ANKFY1: variants seen among roughly 807,000 people sequenced by gnomAD.
ANKFY1 encodes the protein ankyrin repeat and FYVE domain containing 1, also known as ankyrin repeat and FYVE domain-containing protein 1.
ANKFY1 carries 47 observed loss-of-function variants against 128.3 expected under a neutral mutation model. The observed-to-expected ratio is 0.37, with a 90% CI of 0.29 to 0.47. ANKFY1 has a LOEUF of 0.47. ANKFY1 is among the 20% of genes least tolerant of loss of function. ANKFY1 has a pLI of 1.00. For synonymous variants in ANKFY1, 553 were observed against 601.6 expected, an observed-to-expected ratio of 0.92 and a Z score of 1.18; for missense variants, 1,222 against 1,510.6, an observed-to-expected ratio of 0.81 and a Z score of 3.17.
intron 3 of ANKFY1, among the ~76,000 whole-genome samples, chr17:4,228,477 C>T (rs2060462459): frequency 6.6e-6 from 1 of 151,470 alleles, no homozygotes; most frequent in Non-Finnish European, 1.5e-5. Context: ...AGTGCAATGA[C>T]GCGATCTCGG....
intron 3 of ANKFY1, chr17:4,223,146 T>C: frequency 1.3e-6 from 1 of 782,390 alleles, no homozygotes. Context: ...GCTTCTGAAA[T>C]TCAGGTGACA....
chr17:4,207,183 T>C (rs2060041907), intron 6 of ANKFY1, among the ~76,000 whole-genome samples: 1 of 151,552 alleles, frequency 6.6e-6, no homozygotes, highest in African/African-American at 2.4e-5. Flanking sequence ...GCCCGATCTA[T>C]CTAACCACAG....
chr17:4,171,713 C>A (rs530666456), intron 22 of ANKFY1, among the ~76,000 whole-genome samples: 1 of 152,322 alleles, frequency 6.6e-6, no homozygotes, highest in Admixed American at 6.5e-5. Flanking sequence ...GGGGCGGACT[C>A]CTCTGAAGCT....
chr17:4,177,136 A>T lies in ANKFY1; in HGVS notation c.2765T>A (p.Val922Asp). The T allele has an allele frequency of 6.3e-7, 1 of 1,585,076 alleles. No individual in the cohort carries two copies. The highest frequency in any genetic ancestry group is 8.6e-7 in the Non-Finnish European group (1 of 1,166,226). ...TTCTGTGTCACTTACCAAATTGCGGACAATAATTTCTGAGCCTGCTTGGAC... is the reference window on the plus strand; with the variant it reads ...TTCTGTGTCACTTACCAAATTGCGGTCAATAATTTCTGAGCCTGCTTGGAC... ...LAVQAGSEII[V>D]RNLLLAGAKV... Residue 922 changes from valine (V) to aspartate (D), a missense_variant, in exon 19 of 25, where the codon GTC (valine) becomes GAC (aspartate). Coordinates refer to ENST00000341657, the MANE Select transcript of ANKFY1 (RefSeq NM_001330063.2).
At chr17:4,206,555 C>G in intron 6 of ANKFY1, 69 bp from the exon 7 acceptor site, 1 of 1,424,738 alleles carries the variant, frequency 7.0e-7, no homozygotes, top group South Asian at 1.2e-5. Flanking sequence ...TTTCTCCCAC[C>G]TTGACCCTTA....
rs145764044 is a variant in ANKFY1, at chr17:4,167,971, C to T, written c.3378-60G>A. 9.2e-5 allele frequency: 144 copies of T among 1,566,594 alleles called. No homozygotes were observed. The highest frequency in any genetic ancestry group is 1.2e-4 in the Non-Finnish European group (142 of 1,152,164). On this transcript the variant is annotated intron_variant, in intron 24 of 24. Coordinates refer to ENST00000341657, the MANE Select transcript of ANKFY1 (RefSeq NM_001330063.2). The surrounding 1 kb of genome is among the most constrained non-coding windows in gnomAD (Gnocchi z 4.1). Reference sequence around the variant, plus strand: ...GCCAACGACAGACTCTGCTTCCTGGCACGTGAGGACAACCGCAGCAGGGCC... The same window carrying T: ...GCCAACGACAGACTCTGCTTCCTGGTACGTGAGGACAACCGCAGCAGGGCC...
chr17:4,253,854 C>G (rs965456916), intron 1 of ANKFY1, among the ~76,000 whole-genome samples: 1 of 152,144 alleles, frequency 6.6e-6, no homozygotes, highest in East Asian at 1.9e-4. Context: ...CTTTACCTAC[C>G]ATGGCAGGCA....
intron 3 of ANKFY1, among the ~76,000 whole-genome samples, chr17:4,225,102 T>C (rs1280688170): frequency 6.6e-6 from 1 of 151,850 alleles, no homozygotes; most frequent in Non-Finnish European, 1.5e-5. Context: ...ACACCTGTAA[T>C]CCCAGAACTC....
chr17:4,197,750 A>G (rs1351812697), intron 7 of ANKFY1, among the ~76,000 whole-genome samples, 173 bp from the exon 8 acceptor site: 3 of 152,200 alleles, frequency 2.0e-5, no homozygotes, highest in African/African-American at 7.2e-5. Context: ...GGAGTTACAG[A>G]CGAATTCAAA....
At chr17:4,194,242 T>C (rs1034449326) in intron 10 of ANKFY1, among the ~76,000 whole-genome samples, 1 of 150,712 alleles carries the variant, frequency 6.6e-6, no homozygotes, top group African/African-American at 2.4e-5. Context: ...GTAGCTGGGA[T>C]GACAGGAGCC....
At chr17:4,239,780 C>T (rs891126258) in intron 2 of ANKFY1, among the ~76,000 whole-genome samples, 1 of 152,118 alleles carries the variant, frequency 6.6e-6, no homozygotes, top group South Asian at 2.1e-4. Context: ...CTCAGGTGAT[C>T]CACCTGCCTC....
At chr17:4,179,537 G>C (rs557993587) in intron 17 of ANKFY1, 184 bp downstream of exon 17, 130 of 721,142 alleles carry the variant, frequency 1.8e-4, no homozygotes, top group Non-Finnish European at 2.7e-4. Context: ...TCCTCCTGTT[G>C]TAGTAAGGAC....
At chr17:4,222,575 A>T (rs2060344717) in intron 3 of ANKFY1, 1 of 1,267,110 alleles carries the variant, frequency 7.9e-7, no homozygotes, top group African/African-American at 1.5e-5. Flanking sequence ...GTAGATTCTG[A>T]AGTTATGATA....
chr17:4,234,456 A>C (rs1434575423), intron 3 of ANKFY1, among the ~76,000 whole-genome samples: 1 of 152,206 alleles, frequency 6.6e-6, no homozygotes, highest in African/African-American at 2.4e-5. Context: ...ACACAAAAAA[A>C]TGTGACATAA....
At chr17:4,207,686 TAAA>T (rs79910969) in intron 6 of ANKFY1, among the ~76,000 whole-genome samples, 1 of 139,900 alleles carries the variant, frequency 7.1e-6, no homozygotes, top group Non-Finnish European at 1.6e-5. Flanking sequence ...AAGAAGCGTT[TAAA>T]AAAAAAAAAA....
intron 3 of ANKFY1, among the ~76,000 whole-genome samples, chr17:4,234,006 T>C (rs1372581823): frequency 6.6e-6 from 1 of 152,228 alleles, no homozygotes; most frequent in African/African-American, 2.4e-5. Context: ...TATTGTACTT[T>C]TACTGAACTT....
At chr17:4,249,226 AG>A (rs751494736) in intron 1 of ANKFY1, 154 of 476,276 alleles carry the variant, frequency 3.2e-4, no homozygotes, top group Non-Finnish European at 4.1e-4. Flanking sequence ...GGAGCCATAC[AG>A]TCTCTGGGGC....
intron 3 of ANKFY1, among the ~76,000 whole-genome samples, chr17:4,220,624 G>A (rs1397920162): frequency 6.6e-6 from 1 of 152,142 alleles, no homozygotes; most frequent in Non-Finnish European, 1.5e-5. Context: ...ACAAAATGAG[G>A]TTCAAGTGAT....
intron 11 of ANKFY1, among the ~76,000 whole-genome samples, chr17:4,185,932 T>C (rs1305334995): frequency 6.6e-6 from 1 of 152,152 alleles, no homozygotes; most frequent in Non-Finnish European, 1.5e-5. Context: ...GTGGCCTGCT[T>C]GTATCAATCT....
Sources: gnomAD v4.1 joint callset for allele counts (sites outside exome capture counted in the v4.1 genomes callset) on GRCh38, gnomAD v4.1.1 for gene constraint, Gnocchi (gnomAD v3.1) non-coding constraint, MANE v1.5 for transcripts, NCBI Gene and HGNC (gene_info 2026-07-23, HGNC 2026-07-21) for gene names.